Variants in LUC7L observed in about 807,000 individuals in gnomAD.
The protein encoded by LUC7L is LUC7 like.
Under a neutral mutation model 51.1 loss-of-function variants are expected in LUC7L, and 29 were observed. The observed-to-expected ratio is 0.57, with a 90% CI of 0.42 to 0.77. The LOEUF (loss-of-function observed/expected upper bound fraction) is 0.77. LUC7L is among the 30% of genes least tolerant of loss of function. The pLI is 0.00. For synonymous variants in LUC7L, 181 were observed against 180.7 expected, an observed-to-expected ratio of 1.00 and a Z score of -0.01; for missense variants, 403 against 511.9, an observed-to-expected ratio of 0.79 and a Z score of 2.05.
chr16:198,800 C>A (rs1567176088), intron 6 of LUC7L, among the ~76,000 whole-genome samples: 1 of 151,872 alleles, frequency 6.6e-6, no homozygotes, highest in Admixed American at 6.6e-5. Context: ...AATTCTTCTG[C>A]CCCAGCCTCC....
chr16:227,251 C>A lies in LUC7L; in HGVS notation c.147G>T (p.Leu49=), dbSNP rs1329511459. The change falls in exon 2 of 10, where the codon CTG becomes CTT. Residue 49 remains leucine (L), a synonymous_variant. Coordinates refer to ENST00000293872, the MANE Select transcript of LUC7L (RefSeq NM_201412.3). The stretch of plus-strand genomic sequence containing the variant: ...CCCAAAATGCACCTACCGTCCCAGC[C>A]AGGATGTCATGGGGGCAGCAGTCCA... ...HLLDCCPHDI[L]AGTRMDLGEC... is the part of the protein sequence containing the mutation. The A allele has an allele frequency of 6.2e-7, 1 of 1,612,706 alleles. No individual in the cohort carries two copies. The highest frequency in any genetic ancestry group is 8.5e-7 in the Non-Finnish European group (1 of 1,179,394).
intron 5 of LUC7L, among the ~76,000 whole-genome samples, chr16:201,242 T>TAAAAA (rs764945208): frequency 3.1e-4 from 24 of 78,478 alleles, no homozygotes; most frequent in East Asian, 1.4e-3. Flanking sequence ...GCTACATAAC[T>TAAAAA]AAAAAAAAAA....
At chr16:228,346 T>C in intron 1 of LUC7L, 4 of 1,304,160 alleles carry the variant, frequency 3.1e-6, no homozygotes, top group Non-Finnish European at 4.0e-6. Context: ...TCGATGAACA[T>C]GAGGCTTTCT....
intron 3 of LUC7L, among the ~76,000 whole-genome samples, chr16:212,924 C>T (rs1186139115): frequency 6.6e-6 from 1 of 152,042 alleles, no homozygotes; most frequent in East Asian, 1.9e-4. Context: ...ACTATAGGAA[C>T]ACGTCACTAC....
chr16:203,306 A>G (rs1397891717), intron 5 of LUC7L, among the ~76,000 whole-genome samples: 1 of 152,186 alleles, frequency 6.6e-6, no homozygotes, highest in East Asian at 1.9e-4. Flanking sequence ...ATTAGGGAGC[A>G]AATCATGCCA....
chr16:192,848 TC>T, intron 7 of LUC7L, 78 bp downstream of exon 7: 1 of 1,289,156 alleles, frequency 7.8e-7, no homozygotes, highest in Non-Finnish European at 1.1e-6. Context: ...CCCTGCCTAT[TC>T]CAAGCAACAG....
At chr16:216,851 C>T (rs915399512) in intron 3 of LUC7L, among the ~76,000 whole-genome samples, 2 of 152,074 alleles carry the variant, frequency 1.3e-5, no homozygotes, top group Admixed American at 6.6e-5. Flanking sequence ...CATGCCACCA[C>T]GCCTGGCTAA....
intron 3 of LUC7L, among the ~76,000 whole-genome samples, chr16:215,452 C>G (rs909269500): frequency 3.3e-5 from 5 of 152,020 alleles, no homozygotes; most frequent in Non-Finnish European, 5.9e-5. Context: ...AACCCCGTCT[C>G]TACTAAAAAT....
At chr16:207,622 C>T (rs183778613) in intron 4 of LUC7L, among the ~76,000 whole-genome samples, 97 of 152,306 alleles carry the variant, frequency 6.4e-4, no homozygotes, top group African/African-American at 2.3e-3. Flanking sequence ...ATGAGAATTC[C>T]ATGACACATG....
In LUC7L at chr16:206,082, C is replaced by A. The variant is rs774069967; in HGVS notation, c.432G>T (p.Gly144=). 6.2e-7 allele frequency: 1 copy of A among 1,613,926 alleles called. No individual in the cohort carries two copies. Among genetic ancestry groups the A allele is most frequent in the Non-Finnish European group, 8.5e-7 (1 of 1,179,948 alleles). Residue 144 remains glycine (G), a synonymous_variant, in exon 5 of 10, where the codon GGG becomes GGT. Transcript: ENST00000293872. The part of the protein sequence containing the change: ...GKLLAKAEQL[G]AEGNVDESQK... ...GGGATTCATCCACATTACCTTCAGCCCCTAGCTGTTCGGCTTTAGCAAGGA... is the reference window on the plus strand; with the variant it reads ...GGGATTCATCCACATTACCTTCAGCACCTAGCTGTTCGGCTTTAGCAAGGA...
intron 5 of LUC7L, among the ~76,000 whole-genome samples, chr16:200,590 T>C (rs897591693): frequency 8.1e-5 from 12 of 148,702 alleles, no homozygotes; most frequent in African/African-American, 3.0e-4. Flanking sequence ...AAAAAAAAAA[T>C]TGTATTCCAG....
intron 6 of LUC7L, among the ~76,000 whole-genome samples, chr16:198,048 C>T (rs559744213): frequency 2.6e-5 from 4 of 151,890 alleles, no homozygotes; most frequent in African/African-American, 4.8e-5. Flanking sequence ...GCGGGCGGAT[C>T]GCGAGGTCAG....
intron 6 of LUC7L, among the ~76,000 whole-genome samples, chr16:196,221 A>C (rs1019747214): frequency 1.3e-5 from 2 of 152,154 alleles, no homozygotes; most frequent in Admixed American, 1.3e-4. Context: ...CAGCCTGAGC[A>C]ACACGGTGAA....
chr16:192,158 T>C (rs2049026644), intron 7 of LUC7L, among the ~76,000 whole-genome samples: 1 of 152,100 alleles, frequency 6.6e-6, no homozygotes, highest in Admixed American at 6.6e-5. Flanking sequence ...CTCTGCACGC[T>C]TCACACACTA....
At chr16:204,012 T>C (rs1009185527) in intron 5 of LUC7L, among the ~76,000 whole-genome samples, 2 of 151,892 alleles carry the variant, frequency 1.3e-5, no homozygotes, top group African/African-American at 4.8e-5. Flanking sequence ...TGAGACTCCA[T>C]CTCAAAAAAA....
intron 5 of LUC7L, among the ~76,000 whole-genome samples, chr16:202,812 T>TGG (rs1194072118): frequency 1.3e-5 from 2 of 152,040 alleles, no homozygotes; most frequent in African/African-American, 4.8e-5. Flanking sequence ...AAACAACAAC[T>TGG]CCATGCCCAC....
At chr16:229,011 G>A (rs1416290713) in intron 1 of LUC7L, 18 of 1,450,464 alleles carry the variant, frequency 1.2e-5, no homozygotes, top group Admixed American at 2.4e-5. Context: ...CCGCCGGGGA[G>A]GAAGTAGCAG....
chr16:220,848 C>A (rs2049945358), intron 2 of LUC7L, 101 bp from the exon 3 acceptor site: 2 of 732,150 alleles, frequency 2.7e-6, no homozygotes, highest in Non-Finnish European at 4.8e-6. Context: ...GAAATGATCA[C>A]TTTTGGAACA....
rs574481429 is a variant in LUC7L at position 202,800 on chromosome 16, A to T, written c.510+3204T>A. Among the ~76,000 whole-genome samples the T allele has an allele frequency of 1.7e-3, 253 of 152,344 alleles. 1 individual carries two copies. Among genetic ancestry groups the T allele is most frequent in the African/African-American group, 5.9e-3 (245 of 41,580 alleles). ...TAAAGGAATAATACAAACAACTCTT[A>T]AAAACAACAACTCCATGCCCACAAA... is the stretch of plus-strand genomic sequence containing the variant. On this transcript the variant is annotated intron_variant, in intron 5 of 9. Transcript: ENST00000293872.
Sources: allele counts gnomAD v4.1 joint callset (sites outside exome capture counted in the v4.1 genomes callset), GRCh38; gene constraint gnomAD v4.1.1; transcripts MANE v1.5; gene names NCBI Gene and HGNC (gene_info 2026-07-23, HGNC 2026-07-21).